NBAS: variants seen among roughly 807,000 people sequenced by gnomAD.
NBAS encodes NAG/BC035112 fusion.
A neutral mutation model predicts 302.5 loss-of-function variants in NBAS; 219 were observed. The ratio of observed to expected loss-of-function variants is 0.72; its 90% CI spans 0.65 to 0.81. The LOEUF (loss-of-function observed/expected upper bound fraction) is 0.81, where lower values mean the gene tolerates loss of function less well. Among genes scored for constraint, NBAS ranks in the 30% least tolerant of loss-of-function variants. NBAS has a pLI of 0.00. For missense variants in NBAS, 2,932 were observed against 2,841.6 expected (o/e 1.03, Z -0.72); for synonymous variants, 1,118 against 1,021.6 (o/e 1.09, Z -1.80).
At chr2:15,531,696 G>C (rs1369898379) in intron 9 of NBAS, among the ~76,000 whole-genome samples, 1 of 152,124 alleles carries the variant, frequency 6.6e-6, no homozygotes, top group Non-Finnish European at 1.5e-5. Flanking sequence ...TGTCTTCACT[G>C]CTGTTCCTAG....
the NBAS span, among the ~76,000 whole-genome samples, chr2:15,103,868 G>A: frequency 0.071 from 10,744 of 152,124 alleles, 765 homozygotes; most frequent in African/African-American, 0.17. Context: ...TCTGAAGACT[G>A]CGTAAGTCTA....
intron 42 of NBAS, among the ~76,000 whole-genome samples, chr2:15,282,350 T>C (rs1420577187): frequency 6.6e-6 from 1 of 152,196 alleles, no homozygotes; most frequent in Non-Finnish European, 1.5e-5. Flanking sequence ...CACAAACCTA[T>C]GTGAACAATA....
intron 48 of NBAS, among the ~76,000 whole-genome samples, chr2:15,204,098 C>T (rs1366561767): frequency 4.0e-5 from 6 of 151,896 alleles, no homozygotes; most frequent in Non-Finnish European, 7.4e-5. Flanking sequence ...CCCATCTCTA[C>T]GAAAAATATA....
intron 25 of NBAS, among the ~76,000 whole-genome samples, chr2:15,409,292 T>G (rs1676568962): frequency 6.6e-6 from 1 of 152,186 alleles, no homozygotes; most frequent in Admixed American, 6.5e-5. Flanking sequence ...ATTTCACTTA[T>G]CCTCCTCAAG....
chr2:15,553,833 CCTCT>C (rs1228500375), intron 4 of NBAS, among the ~76,000 whole-genome samples: 5 of 123,504 alleles, frequency 4.0e-5, no homozygotes, highest in African/African-American at 1.2e-4. Context: ...TCTCTCTCTC[CCTCT>C]CTCCCTCTTC....
rs1200258380 is a variant in NBAS, at chr2:15,485,103, G to C, written c.1083+3791C>G. 3.9e-5 allele frequency among the ~76,000 whole-genome samples: 6 copies of C among 151,932 alleles called. No homozygotes were observed. The South Asian group carries it at 1.3e-3, about 32-fold the overall frequency. ...TCATGAGTACTCTAGATATCTATTA[G>C]AAAGCTAAGGGTTTACCAATGAGAG... is the stretch of plus-strand genomic sequence containing the variant. On this transcript the variant is annotated intron_variant, in intron 12 of 51. Transcript: ENST00000281513.
chr2:15,435,930 CATA>C (rs1677988807), intron 21 of NBAS, among the ~76,000 whole-genome samples: 1 of 152,114 alleles, frequency 6.6e-6, no homozygotes, highest in Admixed American at 6.5e-5. Context: ...CTCTTATATG[CATA>C]ATAATAACAT....
the NBAS span, among the ~76,000 whole-genome samples, chr2:14,784,386 C>T: frequency 1.7e-4 from 26 of 152,268 alleles, no homozygotes; most frequent in Middle Eastern, 3.4e-3. Context: ...ACATGAAGTC[C>T]TTGCCCATGC....
chr2:15,178,121 T>C (rs1052776847), intron 51 of NBAS: 3 of 470,526 alleles, frequency 6.4e-6, no homozygotes, highest in Non-Finnish European at 1.3e-5. Context: ...ACCTCTGCTC[T>C]AGATTCTCCT....
chr2:15,234,834 G>A (rs890653197), intron 45 of NBAS, 87 bp from the exon 46 acceptor site: 21 of 1,344,812 alleles, frequency 1.6e-5, no homozygotes, highest in African/African-American at 2.9e-5. Flanking sequence ...TTAGATCCTC[G>A]AACCAAATAC....
chr2:15,518,096 C>A (rs1662487391), intron 9 of NBAS, among the ~76,000 whole-genome samples: 1 of 144,320 alleles, frequency 6.9e-6, no homozygotes, highest in African/African-American at 2.6e-5. Flanking sequence ...CCAAATTATG[C>A]ACATAAATTT....
chr2:15,365,347 A>T (rs868732644), intron 32 of NBAS, among the ~76,000 whole-genome samples: 11 of 152,274 alleles, frequency 7.2e-5, no homozygotes, highest in Non-Finnish European at 1.5e-4. Flanking sequence ...TGTGGCCTGG[A>T]TCCTTATGGA....
At chr2:15,267,055 T>A (rs553752057) in intron 44 of NBAS, among the ~76,000 whole-genome samples, 1 of 152,348 alleles carries the variant, frequency 6.6e-6, no homozygotes, top group African/African-American at 2.4e-5. Context: ...TCAATTTTAA[T>A]ATATACCAAA....
At chr2:14,844,219 C>A in the NBAS span, among the ~76,000 whole-genome samples, 1 of 151,768 alleles carries the variant, frequency 6.6e-6, no homozygotes. Flanking sequence ...TCAGCCACAG[C>A]AGGAAAGGAC....
intron 9 of NBAS, among the ~76,000 whole-genome samples, chr2:15,533,432 A>AATAGT (rs1186322504): frequency 6.6e-6 from 1 of 152,226 alleles, no homozygotes; most frequent in African/African-American, 2.4e-5. Context: ...AAATGTCCTA[A>AATAGT]ATAGTAGTTA....
At chr2:15,424,726 A>G (rs1165798185) in intron 22 of NBAS, among the ~76,000 whole-genome samples, 3 of 152,206 alleles carry the variant, frequency 2.0e-5, no homozygotes, top group Non-Finnish European at 4.4e-5. Context: ...GCTATGCCAC[A>G]AATCAATCAA....
chr2:15,490,758 G>A (rs182761164), intron 11 of NBAS, among the ~76,000 whole-genome samples: 1 of 152,298 alleles, frequency 6.6e-6, no homozygotes, highest in East Asian at 1.9e-4. Flanking sequence ...ACCAGGGCAC[G>A]TCCATGAGCC....
At position 15,318,473 on chromosome 2, in the gene NBAS, C is replaced by T. The variant is rs181225298; in HGVS notation, c.4583-9226G>A. Reference sequence around the variant, plus strand: ...TGGCAAATTGGGTAAAGAGTCAAAACCCATTACTGTGCTTTATTCAGGAGA... The same window carrying T: ...TGGCAAATTGGGTAAAGAGTCAAAATCCATTACTGTGCTTTATTCAGGAGA... On this transcript the variant is annotated intron_variant, in intron 38 of 51. Coordinates refer to ENST00000281513, the MANE Select transcript of NBAS (RefSeq NM_015909.4). Among the ~76,000 whole-genome samples, 787 of 152,214 alleles carry T rather than the reference C, an allele frequency of 5.2e-3. 4 individuals carry two copies. The highest frequency in any genetic ancestry group is 0.016 in the African/African-American group (668 of 41,526).
the NBAS span, among the ~76,000 whole-genome samples, chr2:14,855,823 C>A: frequency 2.6e-5 from 4 of 152,086 alleles, no homozygotes; most frequent in Admixed American, 2.6e-4. Context: ...ACTTCTGGAC[C>A]CACTTAGGGC....
Sources: allele counts gnomAD v4.1 joint callset (sites outside exome capture counted in the v4.1 genomes callset), GRCh38; gene constraint gnomAD v4.1.1; transcripts MANE v1.5; gene names NCBI Gene and HGNC (gene_info 2026-07-23, HGNC 2026-07-21).